Variants in EML6 observed in about 807,000 individuals in gnomAD.
EML6 encodes echinoderm microtubule-associated protein-like 6.
EML6 carries 154 observed loss-of-function variants against 240.1 expected under a neutral mutation model. The observed-to-expected ratio is 0.64, with a 90% CI of 0.56 to 0.73. The LOEUF (loss-of-function observed/expected upper bound fraction) is 0.73. Among genes scored for constraint, EML6 ranks in the 30% least tolerant of loss-of-function variants. EML6 has a pLI of 0.00. For synonymous variants in EML6, 1,148 were observed against 899.0 expected, an observed-to-expected ratio of 1.28 and a Z score of -4.95; for missense variants, 2,964 against 2,474.6, an observed-to-expected ratio of 1.20 and a Z score of -4.20.
intron 2 of EML6, 24 bp from the exon 3 acceptor site, chr2:54,813,208 G>A: frequency 1.3e-6 from 2 of 1,522,064 alleles, no homozygotes; most frequent in Non-Finnish European, 1.8e-6. Flanking sequence ...TGGAAGATGT[G>A]AAAAGAAACC....
chr2:54,812,957 G>T (rs554639384), intron 2 of EML6, among the ~76,000 whole-genome samples: 1 of 152,032 alleles, frequency 6.6e-6, no homozygotes, highest in Non-Finnish European at 1.5e-5. Flanking sequence ...CTATACAGAC[G>T]ATTTTAAATT....
chr2:54,932,347 C>A (rs79948790), intron 28 of EML6, among the ~76,000 whole-genome samples: 10,832 of 152,268 alleles, frequency 0.071, 647 homozygotes, highest in South Asian at 0.2. Context: ...TGAGGAAAGT[C>A]ATGAAGTCTT....
At chr2:54,954,275 G>A (rs1676126715) in intron 32 of EML6, 119 bp downstream of exon 32, 3 of 901,784 alleles carry the variant, frequency 3.3e-6, no homozygotes, top group Admixed American at 2.9e-5. Context: ...ACTGCTGCTG[G>A]GCAAGTGGAA....
rs536190815 is a variant in EML6, at chr2:54,874,043, C to G, written c.2344+2438C>G. Among the ~76,000 whole-genome samples the G allele has an allele frequency of 2.6e-5, 4 of 152,278 alleles. No individual in the cohort carries two copies. The South Asian group carries it at 8.3e-4, about 32-fold the overall frequency. On this transcript the variant is annotated intron_variant, in intron 16 of 41. Coordinates refer to ENST00000356458, the MANE Select transcript of EML6 (RefSeq NM_001039753.4). The stretch of plus-strand genomic sequence containing the variant: ...TAGAGTAATATAAATAGAATTTAAT[C>G]ATTTGGTTATTTCCTCTATAGAGTT...
At chr2:54,856,911 T>G (rs1453861663) in intron 11 of EML6, among the ~76,000 whole-genome samples, 1 of 152,108 alleles carries the variant, frequency 6.6e-6, no homozygotes, top group East Asian at 1.9e-4. Flanking sequence ...ATGGTGTGGC[T>G]TGGACAAAGA....
intron 26 of EML6, among the ~76,000 whole-genome samples, chr2:54,921,216 G>A (rs1011345261): frequency 6.6e-6 from 1 of 151,860 alleles, no homozygotes; most frequent in Non-Finnish European, 1.5e-5. Flanking sequence ...AAACCCTAAA[G>A]ACCCCCCCAA....
rs1668663365 is a variant in EML6, at chr2:54,827,698, A to G, written c.658A>G (p.Ile220Val). 2 of 1,551,720 alleles carry G rather than the reference A, an allele frequency of 1.3e-6. No individual in the cohort carries two copies. Among genetic ancestry groups the G allele is most frequent in the East Asian group, 2.4e-5 (1 of 40,912 alleles). ...ITYSGALNGD[I>V]YVWKGLNLVR... ...CTACTCTGGTGCTTTAAATGGTGAC[A>G]TCTATGTCTGGAAAGGGCTCAATTT... The change falls in exon 6 of 42, where the codon ATC becomes GTC. Residue 220 changes from isoleucine to valine, a missense_variant. Coordinates refer to ENST00000356458, the MANE Select transcript of EML6 (RefSeq NM_001039753.4).
In EML6 at chr2:54,959,225, G is replaced by C. The variant is rs568443652; in HGVS notation, c.4817G>C (p.Arg1606Pro). The change falls in exon 34 of 42, where the codon CGG becomes CCG. Residue 1606 changes from arginine to proline, a missense_variant. Coordinates refer to ENST00000356458, the MANE Select transcript of EML6 (RefSeq NM_001039753.4). The stretch of plus-strand genomic sequence containing the variant: ...GTGTTCACAATGTACACAACCCTTC[G>C]GGATGGACTCATAGTGACCGGCGGA... ...GPVFTMYTTL[R>P]DGLIVTGGKE... 1.3e-6 allele frequency: 2 copies of C among 1,550,308 alleles called. No homozygotes were observed. Among genetic ancestry groups the C allele is most frequent in the Non-Finnish European group, 1.7e-6 (2 of 1,146,442 alleles).
At chr2:54,940,990 C>T (rs1052481134) in intron 28 of EML6, among the ~76,000 whole-genome samples, 6 of 152,116 alleles carry the variant, frequency 3.9e-5, no homozygotes, top group Non-Finnish European at 8.8e-5. Flanking sequence ...TACGAGAAAA[C>T]GGGAAGGATG....
rs535734209 is a variant in EML6 at position 54,903,182 on chromosome 2, T to C, written c.3263T>C (p.Ile1088Thr). The change falls in exon 23 of 42, where the codon ATT becomes ACT. Residue 1088 changes from isoleucine (I) to threonine (T), a missense_variant. Ile to Thr is a moderately conservative substitution (Grantham distance 89, BLOSUM62 -1). Transcript: ENST00000356458. ...CACAGAAAAGAAATGATCTCTGATA[T>C]TAAGTTTTCAAAAGGTGAAGATGAC... ...FHHRKEMISD[I>T]KFSKDTGKYL... is the part of the protein sequence containing the mutation. The C allele has an allele frequency of 9.0e-6, 14 of 1,551,970 alleles. No individual in the cohort carries two copies. The highest frequency in any genetic ancestry group is 2.0e-5 in the Admixed American group (1 of 51,004).
At chr2:54,948,189 A>C (rs1005396445) in intron 28 of EML6, among the ~76,000 whole-genome samples, 2 of 152,200 alleles carry the variant, frequency 1.3e-5, no homozygotes, top group African/African-American at 4.8e-5. Context: ...ACACATTATA[A>C]AATCTCTTCA....
At chr2:54,796,800 C>T (rs1669806416) in intron 2 of EML6, among the ~76,000 whole-genome samples, 1 of 152,022 alleles carries the variant, frequency 6.6e-6, no homozygotes, top group African/African-American at 2.4e-5. Context: ...CGTTTTAGAG[C>T]ACCGCCAGGC....
At chr2:54,795,413 C>G (rs1669705898) in intron 2 of EML6, among the ~76,000 whole-genome samples, 1 of 152,158 alleles carries the variant, frequency 6.6e-6, no homozygotes, top group African/African-American at 2.4e-5. Context: ...CAGTTACCCC[C>G]CACCAGGCCC....
At chr2:54,921,695 A>T (rs958778007) in intron 26 of EML6, among the ~76,000 whole-genome samples, 1 of 152,138 alleles carries the variant, frequency 6.6e-6, no homozygotes, top group East Asian at 1.9e-4. Flanking sequence ...TTACAAAGCT[A>T]TAGTAATCAA....
At chr2:54,857,414 C>G (rs1354747293) in intron 11 of EML6, among the ~76,000 whole-genome samples, 1 of 152,148 alleles carries the variant, frequency 6.6e-6, no homozygotes, top group Non-Finnish European at 1.5e-5. Context: ...TTATGAGAGA[C>G]AGGTGTGGCC....
intron 2 of EML6, among the ~76,000 whole-genome samples, chr2:54,805,975 C>G (rs775124143): frequency 6.6e-6 from 1 of 152,122 alleles, no homozygotes; most frequent in Non-Finnish European, 1.5e-5. Context: ...GTGGGTCTCT[C>G]TATGGATTCA....
intron 7 of EML6, 88 bp from the exon 8 acceptor site, chr2:54,843,958 AG>A: frequency 1.8e-6 from 1 of 552,182 alleles, no homozygotes; most frequent in Non-Finnish European, 2.6e-6. Flanking sequence ...CATTTACTTT[AG>A]GGTTTTGTGT....
At chr2:54,945,643 A>C (rs1408268375) in intron 28 of EML6, among the ~76,000 whole-genome samples, 1 of 152,058 alleles carries the variant, frequency 6.6e-6, no homozygotes, top group East Asian at 1.9e-4. Context: ...TTCCCTGAGC[A>C]CTTTGGCCCT....
intron 17 of EML6, among the ~76,000 whole-genome samples, chr2:54,889,335 C>T (rs1672330844): frequency 6.6e-6 from 1 of 151,930 alleles, no homozygotes; most frequent in South Asian, 2.1e-4. Flanking sequence ...ATTAAACACA[C>T]ACACACCCCG....
Sources: allele counts gnomAD v4.1 joint callset (sites outside exome capture counted in the v4.1 genomes callset), GRCh38; gene constraint gnomAD v4.1.1; transcripts MANE v1.5; gene names NCBI Gene and HGNC (gene_info 2026-07-23, HGNC 2026-07-21).